SLC44A5: variants seen among roughly 807,000 people sequenced by gnomAD.
SLC44A5 encodes the protein choline transporter-like protein 5.
A neutral mutation model predicts 101.8 loss-of-function variants in SLC44A5; 57 were observed. That is an observed-to-expected ratio of 0.56 (90% CI 0.45 to 0.70). The LOEUF (loss-of-function observed/expected upper bound fraction) is 0.70. Among genes scored for constraint, SLC44A5 ranks in the 30% least tolerant of loss-of-function variants. SLC44A5 has a pLI of 0.00. For missense variants in SLC44A5, 737 were observed against 853.1 expected (o/e 0.86, Z 1.70); for synonymous variants, 281 against 290.9 (o/e 0.97, Z 0.35).
intron 3 of SLC44A5, among the ~76,000 whole-genome samples, chr1:75,373,555 A>G (rs779242737): frequency 6.6e-6 from 1 of 152,178 alleles, no homozygotes; most frequent in Non-Finnish European, 1.5e-5. Flanking sequence ...GACTTCAGGC[A>G]TTTATCCCAG....
At chr1:75,216,420 C>G (rs931429718) in intron 18 of SLC44A5, among the ~76,000 whole-genome samples, 2 of 151,814 alleles carry the variant, frequency 1.3e-5, no homozygotes, top group African/African-American at 4.8e-5. Flanking sequence ...GTGCAAGTAT[C>G]TGTTTGAGTT....
the SLC44A5 span, among the ~76,000 whole-genome samples, chr1:75,689,182 C>A: frequency 5.9e-5 from 9 of 152,100 alleles, no homozygotes; most frequent in Non-Finnish European, 1.3e-4. Flanking sequence ...TATTAAGGGA[C>A]CTAGAGCTAG....
At chr1:75,634,808 T>C in the SLC44A5 span, among the ~76,000 whole-genome samples, 3,082 of 152,040 alleles carry the variant, frequency 0.02, 52 homozygotes, top group Middle Eastern at 0.048. Flanking sequence ...ACAAAATTGA[T>C]AAATGGGATC....
the SLC44A5 span, among the ~76,000 whole-genome samples, chr1:75,637,848 C>T: frequency 2.0e-5 from 3 of 151,990 alleles, no homozygotes; most frequent in African/African-American, 7.2e-5. Flanking sequence ...CACAGACATG[C>T]CTTTAAAAGG....
intron 2 of SLC44A5, among the ~76,000 whole-genome samples, chr1:75,525,916 T>C (rs1262166170): frequency 6.6e-6 from 1 of 152,246 alleles, no homozygotes; most frequent in Non-Finnish European, 1.5e-5. Context: ...CAAGCGTTCA[T>C]ATTGTACTAT....
chr1:75,657,510 T>A, the SLC44A5 span, among the ~76,000 whole-genome samples: 1 of 150,838 alleles, frequency 6.6e-6, no homozygotes, highest in African/African-American at 2.4e-5. Flanking sequence ...CTCACACCAT[T>A]GCACTCCAGC....
At chr1:75,588,570 G>GT (rs1325714143) in intron 1 of SLC44A5, among the ~76,000 whole-genome samples, 4 of 152,092 alleles carry the variant, frequency 2.6e-5, no homozygotes, top group East Asian at 3.9e-4. Flanking sequence ...AAAATGTGGG[G>GT]TTTTTTCTCC....
chr1:75,536,971 A>AGT (rs1167948080), intron 2 of SLC44A5, among the ~76,000 whole-genome samples: 1 of 116,010 alleles, frequency 8.6e-6, no homozygotes, highest in African/African-American at 3.2e-5. Context: ...CCGCCACTGC[A>AGT]CTCCAGCCTG....
chr1:75,519,224 T>C (rs1570506794), intron 2 of SLC44A5, among the ~76,000 whole-genome samples: 1 of 152,252 alleles, frequency 6.6e-6, no homozygotes, highest in East Asian at 1.9e-4. Context: ...TATTTCTTAG[T>C]TGATAAGGTA....
chr1:75,502,137 C>G (rs908599440), intron 2 of SLC44A5, among the ~76,000 whole-genome samples: 2 of 152,112 alleles, frequency 1.3e-5, no homozygotes, highest in African/African-American at 4.8e-5. Flanking sequence ...GAAGAAAGGC[C>G]GCAATTTTGA....
rs140546743 is a variant in SLC44A5 at position 75,589,099 on chromosome 1, TTC to T, written c.-70+21939_-70+21940del. 3.8e-3 allele frequency among the ~76,000 whole-genome samples: 573 copies of T among 150,502 alleles called. 1 individual carries two copies. Among genetic ancestry groups the T allele is most frequent in the Non-Finnish European group, 6.4e-3 (434 of 67,434 alleles). ...CTGCATTCACGCGCACCCTCTCTCT[TTC>T]TCTCTCTCTCTCTCTCAAACAATAC... On this transcript the variant is annotated intron_variant, in intron 1 of 23. Transcript: ENST00000370859.
At chr1:75,409,481 C>A (rs991321894) in intron 2 of SLC44A5, among the ~76,000 whole-genome samples, 1 of 151,870 alleles carries the variant, frequency 6.6e-6, no homozygotes, top group Admixed American at 6.6e-5. Context: ...CTAGTGCTAC[C>A]CTGTTAGAAC....
chr1:75,261,869 G>A (rs376769412), intron 6 of SLC44A5, among the ~76,000 whole-genome samples: 13 of 150,744 alleles, frequency 8.6e-5, no homozygotes, highest in Middle Eastern at 3.2e-3. Context: ...GTAATCCATC[G>A]CATAACAACC....
intron 1 of SLC44A5, among the ~76,000 whole-genome samples, chr1:75,544,543 T>C (rs1295213193): frequency 6.6e-6 from 1 of 152,208 alleles, no homozygotes; most frequent in African/African-American, 2.4e-5. Flanking sequence ...ATACTTTTGC[T>C]GAACCATTTA....
intron 2 of SLC44A5, among the ~76,000 whole-genome samples, chr1:75,449,644 A>G (rs1357610491): frequency 2.6e-5 from 4 of 152,222 alleles, no homozygotes; most frequent in South Asian, 2.1e-4. Context: ...AAATCTATTT[A>G]ACCCAAGATC....
chr1:75,208,378 C>T (rs754614618), intron 23 of SLC44A5, among the ~76,000 whole-genome samples: 5 of 152,100 alleles, frequency 3.3e-5, no homozygotes, highest in South Asian at 2.1e-4. Flanking sequence ...AGGCTGGTCT[C>T]GAACTCCTGA....
At chr1:75,416,172 A>T (rs1663629245) in intron 2 of SLC44A5, among the ~76,000 whole-genome samples, 1 of 152,056 alleles carries the variant, frequency 6.6e-6, no homozygotes, top group Admixed American at 6.6e-5. Flanking sequence ...AGGATGAAAA[A>T]GTTGTTTCAT....
intron 4 of SLC44A5, among the ~76,000 whole-genome samples, chr1:75,334,180 C>G (rs77276745): frequency 0.014 from 2,080 of 152,216 alleles, 33 homozygotes; most frequent in South Asian, 0.047. Context: ...AATTGATGTC[C>G]TATCTAGAAT....
chr1:75,524,364 G>A (rs375297749), intron 2 of SLC44A5, among the ~76,000 whole-genome samples: 3 of 152,054 alleles, frequency 2.0e-5, no homozygotes, highest in African/African-American at 7.2e-5. Flanking sequence ...TTACCCAGTC[G>A]CAGGTAGTTC....
Sources: allele counts gnomAD v4.1 joint callset (sites outside exome capture counted in the v4.1 genomes callset), GRCh38; gene constraint gnomAD v4.1.1; transcripts MANE v1.5; gene names NCBI Gene and HGNC (gene_info 2026-07-23, HGNC 2026-07-21).